SEMA6D: variants seen among roughly 807,000 people sequenced by gnomAD.
SEMA6D encodes semaphorin-6D.
Under a neutral mutation model 106.6 loss-of-function variants are expected in SEMA6D, and 35 were observed. The ratio of observed to expected loss-of-function variants is 0.33; its 90% CI spans 0.25 to 0.44. SEMA6D has a LOEUF of 0.44. Among genes scored for constraint, SEMA6D ranks in the 20% least tolerant of loss-of-function variants. The pLI is 1.00. For synonymous variants in SEMA6D, 499 were observed against 487.7 expected, an observed-to-expected ratio of 1.02 and a Z score of -0.31; for missense variants, 1,185 against 1,345.9, an observed-to-expected ratio of 0.88 and a Z score of 1.87.
At chr15:47,200,154 T>C (rs935502132) in intron 1 of SEMA6D, among the ~76,000 whole-genome samples, 7 of 152,152 alleles carry the variant, frequency 4.6e-5, no homozygotes, top group African/African-American at 1.7e-4. Flanking sequence ...ATCTGTGTAC[T>C]TAAGTTGCCC....
intron 1 of SEMA6D, among the ~76,000 whole-genome samples, chr15:47,755,573 C>T (rs2081672833): frequency 6.6e-6 from 1 of 152,056 alleles, no homozygotes; most frequent in Non-Finnish European, 1.5e-5. Context: ...GAGATTATAT[C>T]CATTCAGTCT....
intron 1 of SEMA6D, among the ~76,000 whole-genome samples, chr15:47,729,553 T>C (rs2079983047): frequency 6.6e-6 from 1 of 152,194 alleles, no homozygotes; most frequent in Non-Finnish European, 1.5e-5. Context: ...GCTCTGGCAC[T>C]GCCCCTTGGC....
At chr15:47,711,537 A>G (rs1192710878) in intron 4 of SEMA6D, among the ~76,000 whole-genome samples, 2 of 152,066 alleles carry the variant, frequency 1.3e-5, no homozygotes, top group Non-Finnish European at 2.9e-5. Context: ...TTGCCACTTC[A>G]CCACAGCTTA....
At chr15:47,322,210 A>C (rs1307524373) in intron 1 of SEMA6D, among the ~76,000 whole-genome samples, 1 of 152,098 alleles carries the variant, frequency 6.6e-6, no homozygotes, top group East Asian at 1.9e-4. Flanking sequence ...ATTTTCCCCT[A>C]ATACTAGGAA....
intron 1 of SEMA6D, among the ~76,000 whole-genome samples, chr15:47,194,044 A>G (rs1894158171): frequency 6.6e-6 from 1 of 151,770 alleles, no homozygotes; most frequent in Non-Finnish European, 1.5e-5. Context: ...AACTAAATAA[A>G]TATTGGGTGA....
intron 3 of SEMA6D, among the ~76,000 whole-genome samples, chr15:47,558,605 A>G (rs902304778): frequency 3.3e-5 from 5 of 152,080 alleles, no homozygotes; most frequent in African/African-American, 1.2e-4. Flanking sequence ...TCCTAAAAGT[A>G]TAGGGCATGA....
Position 47,771,941 on chromosome 15 carries a change from C to T in SEMA6D, c.*156C>T. On this transcript the variant is annotated 3_prime_UTR_variant, in exon 19 of 19. Coordinates refer to ENST00000536845, the MANE Select transcript of SEMA6D (RefSeq NM_001358351.3). ...TAACTTTGGCAACATCAGAACTTGC[C>T]ACATGTAGCTACTGCAGCAAGGCTT... 1 of 716,222 alleles carries T rather than the reference C, an allele frequency of 1.4e-6. No individual in the cohort carries two copies. 44.4% of individuals were successfully genotyped at this position (716,222 alleles called of 1,614,324 possible). A position where few individuals can be genotyped will look rare whatever the true frequency, so the allele number is the denominator to read the frequency against.
chr15:47,751,506 A>G (rs1162069435), intron 1 of SEMA6D, among the ~76,000 whole-genome samples: 3 of 152,158 alleles, frequency 2.0e-5, no homozygotes, highest in African/African-American at 4.8e-5. Flanking sequence ...CTGAAATGTC[A>G]TAGACTACAG....
At chr15:47,505,133 T>C (rs1316637404) in intron 3 of SEMA6D, among the ~76,000 whole-genome samples, 2 of 152,130 alleles carry the variant, frequency 1.3e-5, no homozygotes, top group Non-Finnish European at 2.9e-5. Flanking sequence ...TCTGTGGTTT[T>C]GGGGCCCCTA....
chr15:47,184,976 T>G (rs927410558), intron 1 of SEMA6D, among the ~76,000 whole-genome samples: 1 of 152,012 alleles, frequency 6.6e-6, no homozygotes, highest in Non-Finnish European at 1.5e-5. Flanking sequence ...ACGACCTACC[T>G]TCTTGCTTTC....
In SEMA6D at chr15:47,208,001, A is replaced by G. The variant is rs1483371765; in HGVS notation, c.-239+23583A>G. 8.8e-3 allele frequency among the ~76,000 whole-genome samples: 316 copies of G among 35,814 alleles called. 3 individuals are homozygous for G. Among genetic ancestry groups the G allele is most frequent in the African/African-American group, 0.014 (138 of 9,908 alleles). The allele number at this position is 35,814 out of a possible 152,430, so 23.5% of individuals were successfully genotyped here. On this transcript the variant is annotated intron_variant, in intron 1 of 19. Coordinates refer to the SEMA6D transcript ENST00000558014. ...TAGCCACTGGCGCGCGCGCACACACACACACACACACACACACACACACAC... is the reference window on the plus strand; with the variant it reads ...TAGCCACTGGCGCGCGCGCACACACGCACACACACACACACACACACACAC...
chr15:47,296,988 G>A (rs75474152), intron 1 of SEMA6D, among the ~76,000 whole-genome samples: 4 of 152,036 alleles, frequency 2.6e-5, no homozygotes, highest in East Asian at 1.9e-4. Context: ...TCTTCCCCCC[G>A]CAAAACAGTT....
chr15:47,431,008 T>C (rs2140540584), intron 2 of SEMA6D, among the ~76,000 whole-genome samples: 1 of 152,310 alleles, frequency 6.6e-6, no homozygotes, highest in Admixed American at 6.5e-5. Context: ...GCCATTTCTA[T>C]AGCTATCAAT....
chr15:47,661,342 G>C lies in SEMA6D; in HGVS notation c.-55+60446G>C, dbSNP rs140069879. On this transcript the variant is annotated intron_variant, in intron 4 of 19. Transcript: ENST00000558014. ...AAAGTTGGTGATGATGCAAATAACT[G>C]ATGATGTAATCTCTGCCTATGTCAG... is the stretch of plus-strand genomic sequence containing the variant. Among the ~76,000 whole-genome samples, 16 of 152,284 alleles carry C rather than the reference G, an allele frequency of 1.1e-4. No individual in the cohort carries two copies. The East Asian group carries it at 2.7e-3, about 26-fold the overall frequency.
intron 2 of SEMA6D, among the ~76,000 whole-genome samples, chr15:47,446,379 G>A (rs1373582032): frequency 1.3e-5 from 2 of 152,114 alleles, no homozygotes; most frequent in South Asian, 2.1e-4. Context: ...TTATATTTGT[G>A]TTAGTGCACA....
intron 1 of SEMA6D, among the ~76,000 whole-genome samples, chr15:47,356,293 A>G (rs2038562813): frequency 6.6e-6 from 1 of 152,212 alleles, no homozygotes; most frequent in African/African-American, 2.4e-5. Flanking sequence ...CCAGTTCTGA[A>G]TGAGTAAGAC....
intron 1 of SEMA6D, among the ~76,000 whole-genome samples, chr15:47,225,975 G>T (rs75139478): frequency 0.021 from 3,128 of 152,108 alleles, 102 homozygotes; most frequent in African/African-American, 0.071. Context: ...CTCTCTAAAA[G>T]ATATTGAAGT....
At chr15:47,221,769 CTG>C (rs1215417674) in intron 1 of SEMA6D, among the ~76,000 whole-genome samples, 2 of 152,126 alleles carry the variant, frequency 1.3e-5, no homozygotes, top group Admixed American at 6.5e-5. Flanking sequence ...TATTTTGAAA[CTG>C]TGTTAGTAAT....
chr15:47,757,979 A>G (rs370736970), intron 1 of SEMA6D, among the ~76,000 whole-genome samples: 4 of 152,126 alleles, frequency 2.6e-5, no homozygotes, highest in East Asian at 1.9e-4. Flanking sequence ...TCCCAGGCCA[A>G]TTTGCTAATA....
Sources: gnomAD v4.1 joint callset for allele counts (sites outside exome capture counted in the v4.1 genomes callset) on GRCh38, gnomAD v4.1.1 for gene constraint, MANE v1.5 for transcripts, NCBI Gene and HGNC (gene_info 2026-07-23, HGNC 2026-07-21) for gene names.